The following KHK variants were observed in gnomAD, a reference collection of about 807,000 sequenced individuals.
KHK encodes the protein ketohexokinase.
A neutral mutation model predicts 36.0 loss-of-function variants in KHK; 37 were observed. The ratio of observed to expected loss-of-function variants is 1.03; its 90% confidence interval spans 0.79 to 1.35. The LOEUF (loss-of-function observed/expected upper bound fraction) is 1.35, where lower values mean the gene tolerates loss of function less well. KHK is among the 40% of genes most tolerant of loss of function. KHK has a pLI of 0.00. For missense variants in KHK, 395 were observed against 391.9 expected (o/e 1.01, Z -0.07); for synonymous variants, 161 against 162.8 (o/e 0.99, Z 0.08).
At position 27,099,756 on chromosome 2, in the gene KHK, G is replaced by A. The variant is rs761733526; in HGVS notation, c.*6G>A. On this transcript the variant is annotated 3_prime_UTR_variant, in exon 8 of 8. Coordinates refer to ENST00000260598, the MANE Select transcript of KHK (RefSeq NM_006488.3). ...GCTTTGATGGCATCGTGTGAGAGCAGGTGCCGGCTCCTCACACACCATGGA... is the reference window on the plus strand; with the variant it reads ...GCTTTGATGGCATCGTGTGAGAGCAAGTGCCGGCTCCTCACACACCATGGA... 2.1e-5 allele frequency: 34 copies of A among 1,613,592 alleles called. No homozygotes were observed. The East Asian group carries it at 2.7e-4, about 13-fold the overall frequency.
intron 1 of KHK, among the ~76,000 whole-genome samples, chr2:27,089,829 C>T (rs573601165): frequency 4.5e-4 from 69 of 152,212 alleles, no homozygotes; most frequent in Non-Finnish European, 9.0e-4. Context: ...CCACCTGGAG[C>T]TCAGCCAGAC....
rs61735560 is a variant in KHK at position 27,099,670 on chromosome 2, A to G, written c.817A>G (p.Ser273Gly). 2.3e-4 allele frequency: 368 copies of G among 1,614,048 alleles called. 2 individuals carry two copies. The African/African-American group carries it at 4.6e-3, about 20-fold the overall frequency. ...GCTACTTGCCCCTCCTCCAGGGAGG[A>G]GCGTGCAGGAAGCACTGAGATTCGG... is the stretch of plus-strand genomic sequence containing the variant. The part of the protein sequence containing the change: ...SVIFSLSQGR[S>G]VQEALRFGCQ... Residue 273 changes from serine to glycine, a missense_variant, in exon 8 of 8, where the codon AGC becomes GGC. Coordinates refer to ENST00000260598, the MANE Select transcript of KHK (RefSeq NM_006488.3).
chr2:27,092,198 G>T (rs1572862172), intron 1 of KHK, 134 bp from the exon 2 acceptor site: 5 of 801,514 alleles, frequency 6.2e-6, no homozygotes, highest in Non-Finnish European at 2.2e-6. Context: ...GCTGCCCCGG[G>T]TACAAAGTGA....
chr2:27,094,235 T>C (rs1218852823), intron 2 of KHK: 3 of 574,120 alleles, frequency 5.2e-6, no homozygotes, highest in Non-Finnish European at 9.4e-6. Context: ...GATCGGAGCA[T>C]GCTTCAGCCA....
At chr2:27,088,084 A>C (rs886824673) in intron 1 of KHK, 4 of 140,510 alleles carry the variant, frequency 2.8e-5, no homozygotes, top group South Asian at 2.4e-4. Flanking sequence ...GAAACTGAAG[A>C]GTCAGTTGTT....
chr2:27,098,299 T>C (rs1009464209), intron 5 of KHK, among the ~76,000 whole-genome samples: 13 of 151,808 alleles, frequency 8.6e-5, no homozygotes, highest in East Asian at 3.9e-4. Context: ...GGTAGGAGGA[T>C]TGCTTGATGC....
In KHK at chr2:27,087,101, G is replaced by C. The variant is rs1572851927; in HGVS notation, c.-159G>C. On this transcript the variant is annotated 5_prime_UTR_variant, in exon 1 of 8. Transcript: ENST00000260598. Reference sequence around the variant, plus strand: ...AAGGGCCCTGCTCCTTTCGTTCCCTGCACCCCTGGCCGCTGCAGGTGGCTC... The same window carrying C: ...AAGGGCCCTGCTCCTTTCGTTCCCTCCACCCCTGGCCGCTGCAGGTGGCTC... 1 of 617,620 alleles carries C rather than the reference G, an allele frequency of 1.6e-6. No individual in the cohort carries two copies. The highest frequency in any genetic ancestry group is 2.8e-5 in the East Asian group (1 of 35,768). 38.3% of individuals were successfully genotyped at this position (617,620 alleles called of 1,614,324 possible). A position where few individuals can be genotyped will look rare whatever the true frequency, so the allele number is the denominator to read the frequency against.
At chr2:27,090,291 T>C (rs1482163022) in intron 1 of KHK, among the ~76,000 whole-genome samples, 4 of 152,234 alleles carry the variant, frequency 2.6e-5, no homozygotes, top group Non-Finnish European at 5.9e-5. Flanking sequence ...TAATTAGCAA[T>C]GGCTTTGGGG....
chr2:27,099,554 C>T lies in KHK; in HGVS notation c.788C>T (p.Ser263Phe). 2 of 1,614,146 alleles carry T rather than the reference C, an allele frequency of 1.2e-6. No individual in the cohort carries two copies. The highest frequency in any genetic ancestry group is 1.7e-6 in the Non-Finnish European group (2 of 1,180,026). The change falls in exon 7 of 8, where the codon TCC (serine) becomes TTC (phenylalanine). Residue 263 changes from serine to phenylalanine, a missense_variant. By Grantham distance (155) the Ser-to-Phe change is radical (BLOSUM62 -2). Transcript: ENST00000260598. ...TLGAGDTFNASVIFSLSQGRS... is the reference protein window; with the variant it reads ...TLGAGDTFNAFVIFSLSQGRS... Reference sequence around the variant, plus strand: ...GGAGCTGGAGACACCTTCAATGCCTCCGTCATCTTCAGCCTCTCCCAGGGT... The same window carrying T: ...GGAGCTGGAGACACCTTCAATGCCTTCGTCATCTTCAGCCTCTCCCAGGGT...
rs878943136 is a variant in KHK at position 27,099,354 on chromosome 2, G to A, written c.654-66G>A. 1.4e-4 allele frequency: 221 copies of A among 1,612,728 alleles called. 3 individuals are homozygous for A. Among genetic ancestry groups the A allele is most frequent in the South Asian group, 1.3e-3 (122 of 91,070 alleles). ...AGCCTGGACTCCAGGAGTCCGCCCT[G>A]GAGCTGGGAGGATGGCTGGGGGGAC... On this transcript the variant is annotated intron_variant, in intron 6 of 7. Coordinates refer to ENST00000260598, the MANE Select transcript of KHK (RefSeq NM_006488.3).
At position 27,100,545 on chromosome 2, in the gene KHK, T is replaced by C; in HGVS notation, c.*795T>C. On this transcript the variant is annotated 3_prime_UTR_variant, in exon 8 of 8. Coordinates refer to ENST00000260598, the MANE Select transcript of KHK (RefSeq NM_006488.3). ...CTCCAATATAGGGTGGGTAAGGCCT[T>C]ATAATGTAAAGAGCATATAATGTAA... The C allele has an allele frequency of 7.7e-7, 1 of 1,290,606 alleles. No homozygotes were observed. Among genetic ancestry groups the C allele is most frequent in the South Asian group, 1.2e-5 (1 of 81,002 alleles). The allele number at this position is 1,290,606 out of a possible 1,614,324, so 79.9% of individuals were successfully genotyped here.
intron 1 of KHK, among the ~76,000 whole-genome samples, chr2:27,091,916 A>T (rs1009117292): frequency 4.6e-5 from 7 of 152,032 alleles, no homozygotes; most frequent in Non-Finnish European, 1.5e-5. Flanking sequence ...GGGAAGAGGC[A>T]CTTAGTCCCC....
In KHK at chr2:27,099,790, T is replaced by C. The variant is rs1558454223; in HGVS notation, c.*40T>C. 1 of 1,605,846 alleles carries C rather than the reference T, an allele frequency of 6.2e-7. No individual in the cohort carries two copies. The highest frequency in any genetic ancestry group is 8.5e-7 in the Non-Finnish European group (1 of 1,176,276). On this transcript the variant is annotated 3_prime_UTR_variant, in exon 8 of 8. Coordinates refer to ENST00000260598, the MANE Select transcript of KHK (RefSeq NM_006488.3). The stretch of plus-strand genomic sequence containing the variant: ...TCCTCACACACCATGGAGACTACCA[T>C]TGCGGCTGCATCGCCTTCTCCCCTC...
rs774036610 is a variant in KHK at position 27,094,931 on chromosome 2, A to G, written c.341A>G (p.Asp114Gly). The G allele has an allele frequency of 6.2e-7, 1 of 1,613,846 alleles. No individual in the cohort carries two copies. The highest frequency in any genetic ancestry group is 1.1e-5 in the South Asian group (1 of 91,082). The change falls in exon 3 of 8, where the codon GAC becomes GGC. Residue 114 changes from aspartate to glycine, a missense_variant. By Grantham distance (94) the Asp-to-Gly change is moderately conservative. Transcript: ENST00000260598. ...SNGNRTIVLH[D>G]TSLPDVSATD... The stretch of plus-strand genomic sequence containing the variant: ...GGCAACCGTACCATTGTGCTCCATG[A>G]CACGTAAGGCCCCCGGGCCTCGCCC...
chr2:27,092,042 G>A (rs1037529863), intron 1 of KHK, among the ~76,000 whole-genome samples: 4 of 152,214 alleles, frequency 2.6e-5, no homozygotes, highest in Admixed American at 6.5e-5. Context: ...TGGGTCTCTC[G>A]AATAGTGATG....
intron 4 of KHK, among the ~76,000 whole-genome samples, chr2:27,097,056 C>T (rs1035946290): frequency 2.6e-5 from 4 of 152,348 alleles, no homozygotes; most frequent in Non-Finnish European, 2.9e-5. Flanking sequence ...TTCTGTGCTA[C>T]GGGCTGCCCC....
At chr2:27,088,099 CTTTTTTTTTTTT>C (rs1157197145) in intron 1 of KHK, 4 of 74,570 alleles carry the variant, frequency 5.4e-5, no homozygotes, top group East Asian at 3.6e-4. Flanking sequence ...GTTGTTGGTT[CTTTTTTTTTTTT>C]TTTTTTTTTT....
chr2:27,087,335 G>C lies in KHK; in HGVS notation c.76G>C (p.Glu26Gln), dbSNP rs1371873821. The C allele has an allele frequency of 6.3e-7, 1 of 1,593,694 alleles. No homozygotes were observed. The highest frequency in any genetic ancestry group is 8.5e-7 in the Non-Finnish European group (1 of 1,169,694). The change falls in exon 1 of 8, where the codon GAG becomes CAG. Residue 26 changes from glutamate (E) to glutamine (Q), a missense_variant. Coordinates refer to ENST00000260598, the MANE Select transcript of KHK (RefSeq NM_006488.3). Reference sequence around the variant, plus strand: ...CAGCCTGGTGGACAAGTACCCTAAGGAGGACTCGGAGATAAGGTAGGGGCG... The same window carrying C: ...CAGCCTGGTGGACAAGTACCCTAAGCAGGACTCGGAGATAAGGTAGGGGCG... ...VISLVDKYPK[E>Q]DSEIRCLSQR...
At chr2:27,093,112 C>T (rs1235633630) in intron 2 of KHK, among the ~76,000 whole-genome samples, 1 of 152,200 alleles carries the variant, frequency 6.6e-6, no homozygotes, top group African/African-American at 2.4e-5. Context: ...AGGTGAGGCC[C>T]ACACTTTGCA....
Sources: gnomAD v4.1 joint callset for allele counts (sites outside exome capture counted in the v4.1 genomes callset) on GRCh38, gnomAD v4.1.1 for gene constraint, MANE v1.5 for transcripts, NCBI Gene and HGNC (gene_info 2026-07-23, HGNC 2026-07-21) for gene names.